Variants in DUSP18 observed in about 807,000 individuals in gnomAD.
DUSP18 encodes the protein dual specificity protein phosphatase 18.
A neutral mutation model predicts 6.3 loss-of-function variants in DUSP18; 4 were observed. The observed-to-expected ratio is 0.63, with a 90% CI of 0.31 to 1.45. The LOEUF (loss-of-function observed/expected upper bound fraction) is 1.45, where lower values mean the gene tolerates loss of function less well. Ranked by LOEUF, DUSP18 falls within the 40% of genes most tolerant of loss-of-function variation. The pLI is 0.07. For missense variants in DUSP18, 235 were observed against 247.7 expected (o/e 0.95, Z 0.34); for synonymous variants, 96 against 95.1 (o/e 1.01, Z -0.05).
At chr22:30,665,279 G>T (rs1198291208) in intron 1 of DUSP18, among the ~76,000 whole-genome samples, 1 of 152,220 alleles carries the variant, frequency 6.6e-6, no homozygotes, top group East Asian at 1.9e-4. Context: ...GCTATCCACT[G>T]TGAGGATAAG....
At chr22:30,659,423 G>A (rs1356404842), downstream of DUSP18, among the ~76,000 whole-genome samples, 2 of 151,912 alleles carry the variant, frequency 1.3e-5, no homozygotes, top group African/African-American at 4.8e-5. Context: ...GCCCAGGCTC[G>A]AGTTCAATAG....
At chr22:30,661,198 A>AG (rs2088455854), downstream of DUSP18, among the ~76,000 whole-genome samples, 4 of 151,666 alleles carry the variant, frequency 2.6e-5, no homozygotes, top group South Asian at 8.4e-4. Flanking sequence ...TACAATAGCC[A>AG]CCCCCCCGCC....
intron 1 of DUSP18, chr22:30,667,165 C>G (rs577584578): frequency 6.6e-6 from 1 of 152,260 alleles, no homozygotes; most frequent in South Asian, 2.1e-4. Flanking sequence ...AGACCGGCGT[C>G]TAGAGTTAAT....
At chr22:30,657,315 C>T (rs1195078083), downstream of DUSP18, among the ~76,000 whole-genome samples, 1 of 143,800 alleles carries the variant, frequency 7.0e-6, no homozygotes, top group East Asian at 2.1e-4. Flanking sequence ...ACAAATTAGC[C>T]GGGCGTGGGG....
In DUSP18 at chr22:30,667,532, T is replaced by C. The variant is rs1327633104; in HGVS notation, c.-148A>G. 1 of 152,278 alleles carries C rather than the reference T, an allele frequency of 6.6e-6. No individual in the cohort carries two copies. The highest frequency in any genetic ancestry group is 2.4e-5 in the African/African-American group (1 of 41,464). The allele number at this position is 152,278 out of a possible 1,614,324, so 9.4% of individuals were successfully genotyped here. A position where few individuals can be genotyped will look rare whatever the true frequency, so the allele number is the denominator to read the frequency against. ...CTTGGGGAAGCCTTAGGCAAGGTTC[T>C]TCGGGAGAGAGACCCGTCATGATCC... On this transcript the variant is annotated 5_prime_UTR_variant, in exon 1 of 2. Coordinates refer to ENST00000334679, the MANE Select transcript of DUSP18 (RefSeq NM_152511.5).
intron 2 of DUSP18, among the ~76,000 whole-genome samples, chr22:30,653,673 C>T (rs2088273099): frequency 6.6e-6 from 1 of 151,012 alleles, no homozygotes; most frequent in South Asian, 2.1e-4. Flanking sequence ...CACGCCTGGC[C>T]GCCTCCCTTC....
chr22:30,663,036 T>C lies in DUSP18; in HGVS notation c.*401A>G, dbSNP rs2088521471. On this transcript the variant is annotated 3_prime_UTR_variant, in exon 2 of 2. Transcript: ENST00000334679. Reference sequence around the variant, plus strand: ...ACTGTAAGAAGCGCAAGAGGTACCATGATGCTTAAGGCTCTGGCTCTGGGT... The same window carrying C: ...ACTGTAAGAAGCGCAAGAGGTACCACGATGCTTAAGGCTCTGGCTCTGGGT... 5.6e-6 allele frequency: 1 copy of C among 179,208 alleles called. No homozygotes were observed. The highest frequency in any genetic ancestry group is 2.4e-5 in the African/African-American group (1 of 41,982). 11.1% of individuals were successfully genotyped at this position (179,208 alleles called of 1,614,324 possible).
At chr22:30,665,646 C>T (rs1438452130) in intron 1 of DUSP18, 5 of 431,280 alleles carry the variant, frequency 1.2e-5, no homozygotes, top group Non-Finnish European at 2.4e-5. Context: ...GCCCTATGTT[C>T]TCTCCTTCCT....
At chr22:30,658,054 C>T (rs956413386), downstream of DUSP18, among the ~76,000 whole-genome samples, 31 of 151,360 alleles carry the variant, frequency 2.0e-4, no homozygotes, top group Admixed American at 6.6e-4. Context: ...CTGCAGTGGG[C>T]GGTGATCACA....
At position 30,663,799 on chromosome 22, in the gene DUSP18, C is replaced by A; in HGVS notation, c.205G>T (p.Val69Leu). Residue 69 changes from valine (V) to leucine (L), a missense_variant, in exon 2 of 2, where the codon GTA (valine) becomes TTA (leucine). Transcript: ENST00000334679. ...GAGTTAGGGGAGTCAGCCACAGGTA[C>A]CTGCATGTACTGGATATCCTCATAC... ...TLYEDIQYMQ[V>L]PVADSPNSRL... is the part of the protein sequence containing the mutation. The A allele has an allele frequency of 2.5e-6, 4 of 1,614,200 alleles. No homozygotes were observed. The highest frequency in any genetic ancestry group is 1.1e-5 in the South Asian group (1 of 91,084).
At chr22:30,658,249 A>G (rs2088385350), downstream of DUSP18, among the ~76,000 whole-genome samples, 1 of 151,780 alleles carries the variant, frequency 6.6e-6, no homozygotes, top group Admixed American at 6.6e-5. Flanking sequence ...AAAAAGAAAT[A>G]TTAACAAGGC....
rs1270773757 is a variant in DUSP18 at position 30,663,586 on chromosome 22, TG to T, written c.417del (p.Ile140SerfsTer34). 5.0e-6 allele frequency: 8 copies of T among 1,614,100 alleles called. No homozygotes were observed. Among genetic ancestry groups the T allele is most frequent in the Non-Finnish European group, 6.8e-6 (8 of 1,180,046 alleles). On this transcript the variant is annotated frameshift_variant, in exon 2 of 2. Coordinates refer to ENST00000334679, the MANE Select transcript of DUSP18 (RefSeq NM_152511.5). LOFTEE classifies it high-confidence loss of function. ...CAAAAGCCGCTGTTGGGTCGGATGA[TG>T]GGCCGGCATGACTTGGTCCACGTGT... ...DAHTWTKSCRPIIRPNSGFWE... is the reference protein window; with the variant it reads ...DAHTWTKSCRXIIRPNSGFWE...
downstream of DUSP18, among the ~76,000 whole-genome samples, chr22:30,658,802 G>C (rs535678554): frequency 1.8e-4 from 27 of 152,216 alleles, no homozygotes; most frequent in South Asian, 4.8e-3. Context: ...CTGCTCACTG[G>C]GGGGCATAAG....
At position 30,666,606 on chromosome 22, in the gene DUSP18, C is replaced by T. The variant is rs186523171; in HGVS notation, c.-78+856G>A. On this transcript the variant is annotated intron_variant, in intron 1 of 1. Transcript: ENST00000334679. ...CACTGCACTCCAGCCTGGGAGACAG[C>T]GTGAGACTCCATCTCAAAAAAAAAA... 5.2e-3 allele frequency among the ~76,000 whole-genome samples: 569 copies of T among 109,248 alleles called. 7 individuals are homozygous for T. Among genetic ancestry groups the T allele is most frequent in the Middle Eastern group, 0.032 (3 of 94 alleles). The allele number at this position is 109,248 out of a possible 152,430, so 71.7% of individuals were successfully genotyped here.
chr22:30,657,305 AC>A (rs201936931), downstream of DUSP18, among the ~76,000 whole-genome samples: 45,080 of 98,604 alleles, frequency 0.46, 8,222 homozygotes, highest in African/African-American at 0.63. Context: ...ACACACACAC[AC>A]AAATTAGCCG....
intron 2 of DUSP18, among the ~76,000 whole-genome samples, chr22:30,653,632 C>T (rs932532004): frequency 1.3e-5 from 2 of 152,060 alleles, no homozygotes; most frequent in Non-Finnish European, 2.9e-5. Flanking sequence ...CCTCGGCCTC[C>T]CAAAGTGCTT....
intron 1 of DUSP18, chr22:30,667,165 CTA>C (rs1436883874): frequency 6.6e-6 from 1 of 152,142 alleles, no homozygotes; most frequent in South Asian, 2.1e-4. Context: ...AGACCGGCGT[CTA>C]GAGTTAATAT....
chr22:30,662,923 T>C lies in DUSP18; in HGVS notation c.*514A>G, dbSNP rs894644226. 1 of 154,692 alleles carries C rather than the reference T, an allele frequency of 6.5e-6. No individual in the cohort carries two copies. The highest frequency in any genetic ancestry group is 1.4e-5 in the Non-Finnish European group (1 of 69,646). 9.6% of individuals were successfully genotyped at this position (154,692 alleles called of 1,614,324 possible). ...TAGAAAACCAGAACTGGGCCACTTA[T>C]AGTGAAGGTGGAAGCAGAGGTGGCC... On this transcript the variant is annotated 3_prime_UTR_variant, in exon 2 of 2. Coordinates refer to ENST00000334679, the MANE Select transcript of DUSP18 (RefSeq NM_152511.5).
chr22:30,660,519 A>G (rs574035478), downstream of DUSP18, among the ~76,000 whole-genome samples: 4 of 152,290 alleles, frequency 2.6e-5, no homozygotes, highest in Admixed American at 2.6e-4. Context: ...TTCACGGACA[A>G]TGTCAAAAGC....
Sources: gnomAD v4.1 joint callset for allele counts (sites outside exome capture counted in the v4.1 genomes callset) on GRCh38, gnomAD v4.1.1 for gene constraint, MANE v1.5 for transcripts, NCBI Gene and HGNC (gene_info 2026-07-23, HGNC 2026-07-21) for gene names.